The following DGKI variants were observed in gnomAD, a reference collection of about 807,000 sequenced individuals.
DGKI encodes the protein diacylglycerol kinase iota.
DGKI carries 55 observed loss-of-function variants against 147.5 expected under a neutral mutation model. The ratio of observed to expected loss-of-function variants is 0.37; its 90% CI spans 0.30 to 0.47. DGKI has a LOEUF of 0.47. Among genes scored for constraint, DGKI ranks in the 20% least tolerant of loss-of-function variants. The pLI is 1.00. For synonymous variants in DGKI, 469 were observed against 477.1 expected (o/e 0.98, Z 0.22); for missense variants, 1,007 against 1,323.8 (o/e 0.76, Z 3.71).
intron 28 of DGKI, among the ~76,000 whole-genome samples, chr7:137,432,688 C>T (rs1813126900): frequency 6.6e-6 from 1 of 152,058 alleles, no homozygotes; most frequent in Non-Finnish European, 1.5e-5. Context: ...GCATGTAGAA[C>T]CAGGATGTGA....
chr7:137,738,473 T>C (rs566905964), intron 1 of DGKI, among the ~76,000 whole-genome samples: 75 of 152,186 alleles, frequency 4.9e-4, no homozygotes, highest in Non-Finnish European at 9.1e-4. Context: ...CACAATGGTA[T>C]GGTGATATTT....
intron 13 of DGKI, 61 bp from the exon 14 acceptor site, chr7:137,585,407 A>T (rs1265059785): frequency 1.3e-6 from 2 of 1,562,030 alleles, no homozygotes; most frequent in African/African-American, 2.7e-5. Context: ...AGCCAATGCT[A>T]TTTTACGCAA....
intron 6 of DGKI, 62 bp from the exon 7 acceptor site, chr7:137,623,616 C>T (rs944059792): frequency 7.0e-7 from 1 of 1,437,414 alleles, no homozygotes; most frequent in Non-Finnish European, 9.8e-7. Flanking sequence ...GCACATTTGC[C>T]CTCCTGAAGT....
chr7:137,511,408 G>A (rs1035307769), intron 21 of DGKI, among the ~76,000 whole-genome samples: 1 of 152,184 alleles, frequency 6.6e-6, no homozygotes, highest in Admixed American at 6.5e-5. Context: ...AACTTTTAAG[G>A]AAAGGTCAGC....
At chr7:137,448,971 CATT>C (rs1327371097) in intron 27 of DGKI, among the ~76,000 whole-genome samples, 4 of 151,938 alleles carry the variant, frequency 2.6e-5, no homozygotes, top group Non-Finnish European at 5.9e-5. Context: ...AGATATGAAA[CATT>C]GATGAAAGAA....
At chr7:137,542,872 C>T (rs1216878136) in intron 20 of DGKI, among the ~76,000 whole-genome samples, 2 of 152,188 alleles carry the variant, frequency 1.3e-5, no homozygotes, top group African/African-American at 4.8e-5. Flanking sequence ...GTAATTCTGT[C>T]ATAGGCAACA....
At chr7:137,521,722 C>T (rs1005887168) in intron 21 of DGKI, 144 bp downstream of exon 21, 6 of 628,542 alleles carry the variant, frequency 9.5e-6, no homozygotes, top group Non-Finnish European at 1.7e-5. Context: ...TCACTTGGAG[C>T]CCACATGTTA....
At position 137,741,915 on chromosome 7, in the gene DGKI, T is replaced by C. The variant is rs114162138; in HGVS notation, c.402-51913A>G. ...GAAGCTCTCAGTGCTTTTACATCTATAAATACAATGTAAAAAAAAATTCTT... is the reference window on the plus strand; with the variant it reads ...GAAGCTCTCAGTGCTTTTACATCTACAAATACAATGTAAAAAAAAATTCTT... On this transcript the variant is annotated intron_variant, in intron 1 of 32. Coordinates refer to ENST00000614521, the MANE Select transcript of DGKI (RefSeq NM_001321708.2). 7.2e-3 allele frequency among the ~76,000 whole-genome samples: 1,088 copies of C among 151,934 alleles called. 15 individuals carry two copies. Among genetic ancestry groups the C allele is most frequent in the African/African-American group, 0.025 (1,038 of 41,420 alleles).
At chr7:137,694,301 G>A (rs1427087254) in intron 1 of DGKI, among the ~76,000 whole-genome samples, 7 of 147,860 alleles carry the variant, frequency 4.7e-5, no homozygotes, top group African/African-American at 7.5e-5. Context: ...CAGCCTGGGC[G>A]ACAGCGAGAC....
chr7:137,654,215 A>G (rs915805013), intron 5 of DGKI, among the ~76,000 whole-genome samples: 37 of 152,214 alleles, frequency 2.4e-4, no homozygotes, highest in Admixed American at 9.2e-4. Context: ...TTAACAAATG[A>G]AAACACTGAG....
rs1027331065 is a variant in DGKI at position 137,595,198 on chromosome 7, G to T, written c.1311+2649C>A. Among the ~76,000 whole-genome samples, 4 of 152,234 alleles carry T rather than the reference G, an allele frequency of 2.6e-5. No homozygotes were observed. In the South Asian group the frequency reaches 8.3e-4, roughly 31 times the overall value. The stretch of plus-strand genomic sequence containing the variant: ...TCATTAATGAAGAGTTGCTTGAAAA[G>T]ACTGGATATGAAAAATAGGAGAAGT... On this transcript the variant is annotated intron_variant, in intron 12 of 32. Transcript: ENST00000614521.
intron 1 of DGKI, among the ~76,000 whole-genome samples, chr7:137,731,589 C>T (rs555660880): frequency 1.3e-5 from 2 of 152,150 alleles, no homozygotes; most frequent in Admixed American, 6.5e-5. Context: ...AAACCCTTTC[C>T]TCTTCAAATC....
chr7:137,814,844 AC>A (rs1371341358), intron 1 of DGKI, among the ~76,000 whole-genome samples: 1 of 152,206 alleles, frequency 6.6e-6, no homozygotes, highest in East Asian at 1.9e-4. Context: ...ATATTTTAAA[AC>A]AAAAAAATGG....
chr7:137,408,069 TGA>T, intron 29 of DGKI, 74 bp from the exon 30 acceptor site: 1 of 1,565,380 alleles, frequency 6.4e-7, no homozygotes, highest in Non-Finnish European at 8.7e-7. Flanking sequence ...GGTAATAAAA[TGA>T]GAGTCATGTA....
intron 2 of DGKI, 50 bp from the exon 3 acceptor site, chr7:137,678,702 G>A (rs1222246786): frequency 6.6e-7 from 1 of 1,511,934 alleles, no homozygotes; most frequent in Admixed American, 1.7e-5. Context: ...CCAGGGATAA[G>A]GAAAACTATT....
At chr7:137,668,547 C>A (rs925357665) in intron 3 of DGKI, among the ~76,000 whole-genome samples, 1 of 152,192 alleles carries the variant, frequency 6.6e-6, no homozygotes, top group African/African-American at 2.4e-5. Flanking sequence ...TGTTAAGTAA[C>A]ACAGGGTAAC....
intron 3 of DGKI, among the ~76,000 whole-genome samples, chr7:137,660,035 C>A (rs1477450411): frequency 2.6e-5 from 4 of 152,120 alleles, no homozygotes; most frequent in Non-Finnish European, 2.9e-5. Flanking sequence ...TTGCCTAGAA[C>A]ATGAAACATG....
chr7:137,633,814 C>T (rs760951338), intron 6 of DGKI, among the ~76,000 whole-genome samples: 6 of 152,254 alleles, frequency 3.9e-5, no homozygotes, highest in Non-Finnish European at 8.8e-5. Flanking sequence ...GTTAACAGTA[C>T]ATTTTTACAG....
chr7:137,713,936 G>A (rs546914675), intron 1 of DGKI, among the ~76,000 whole-genome samples: 1 of 152,246 alleles, frequency 6.6e-6, no homozygotes, highest in East Asian at 1.9e-4. Flanking sequence ...CACTGTGCCT[G>A]GCCACTTGCC....
Sources: gnomAD v4.1 joint callset for allele counts (sites outside exome capture counted in the v4.1 genomes callset) on GRCh38, gnomAD v4.1.1 for gene constraint, MANE v1.5 for transcripts, NCBI Gene and HGNC (gene_info 2026-07-23, HGNC 2026-07-21) for gene names.